The following TSPAN12 variants were observed in gnomAD, a reference collection of about 807,000 sequenced individuals.
TSPAN12 encodes the protein tetraspanin 12.
TSPAN12 carries 19 observed loss-of-function variants against 39.2 expected under a neutral mutation model. The observed-to-expected ratio is 0.49, with a 90% CI of 0.34 to 0.71. The LOEUF (loss-of-function observed/expected upper bound fraction) is 0.71, where lower values mean the gene tolerates loss of function less well. Ranked by LOEUF, TSPAN12 falls within the 30% of genes least tolerant of loss-of-function variation. The probability of loss-of-function intolerance (pLI) is 0.01; values close to 1 mark genes in which losing one functional copy is unlikely to be tolerated. For missense variants in TSPAN12, 314 were observed against 359.9 expected (o/e 0.87, Z 1.03); for synonymous variants, 119 against 124.8 (o/e 0.95, Z 0.31).
intron 7 of TSPAN12, among the ~76,000 whole-genome samples, chr7:120,798,259 A>C (rs916625583): frequency 2.0e-5 from 3 of 152,198 alleles, no homozygotes; most frequent in Admixed American, 1.3e-4. Context: ...CTTCCCCCCT[A>C]CCAAGCCCAA....
chr7:120,816,622 G>C (rs554228598), intron 4 of TSPAN12, among the ~76,000 whole-genome samples: 1 of 152,060 alleles, frequency 6.6e-6, no homozygotes, highest in Non-Finnish European at 1.5e-5. Flanking sequence ...AATGAGAAGA[G>C]ATCAAAGGTG....
intron 2 of TSPAN12, among the ~76,000 whole-genome samples, chr7:120,856,208 A>G (rs1198238067): frequency 6.6e-6 from 1 of 152,086 alleles, no homozygotes; most frequent in Non-Finnish European, 1.5e-5. Context: ...AGACAAATCT[A>G]CTCAGCCTTT....
At chr7:120,842,332 T>C (rs558238041) in intron 2 of TSPAN12, among the ~76,000 whole-genome samples, 1 of 151,990 alleles carries the variant, frequency 6.6e-6, no homozygotes, top group African/African-American at 2.4e-5. Flanking sequence ...CTATGTGCCT[T>C]GGACTGGGCA....
At chr7:120,791,837 A>G (rs1280506401) in intron 7 of TSPAN12, among the ~76,000 whole-genome samples, 2 of 152,190 alleles carry the variant, frequency 1.3e-5, no homozygotes, top group Non-Finnish European at 2.9e-5. Context: ...ACACTCTAGA[A>G]TGGGAGGGGT....
chr7:120,802,382 A>AC (rs932694197), intron 7 of TSPAN12, among the ~76,000 whole-genome samples: 1 of 151,830 alleles, frequency 6.6e-6, no homozygotes, highest in African/African-American at 2.4e-5. Flanking sequence ...TTCACATATC[A>AC]CCTCCTAAGA....
chr7:120,851,550 CAT>C (rs1385397122), intron 2 of TSPAN12, among the ~76,000 whole-genome samples: 2 of 151,966 alleles, frequency 1.3e-5, no homozygotes, highest in African/African-American at 4.8e-5. Flanking sequence ...CAAGGAGAAC[CAT>C]ATTTATCTAT....
chr7:120,788,502 T>A lies in TSPAN12; in HGVS notation c.*90A>T. The stretch of plus-strand genomic sequence containing the variant: ...TGTTATTTTATGGCAACATTTTTAT[T>A]TCTACATATTTCTGAAACACATAGT... On this transcript the variant is annotated 3_prime_UTR_variant, in exon 8 of 8. Transcript: ENST00000222747. 1 of 1,470,232 alleles carries A rather than the reference T, an allele frequency of 6.8e-7. No individual in the cohort carries two copies. The highest frequency in any genetic ancestry group is 9.5e-7 in the Non-Finnish European group (1 of 1,054,544). 91.1% of individuals were successfully genotyped at this position (1,470,232 alleles called of 1,614,324 possible). A position where few individuals can be genotyped will look rare whatever the true frequency, so the allele number is the denominator to read the frequency against.
intron 7 of TSPAN12, among the ~76,000 whole-genome samples, chr7:120,799,355 G>A (rs983257840): frequency 3.4e-5 from 5 of 148,092 alleles, no homozygotes; most frequent in South Asian, 2.1e-4. Context: ...CTCCACTTAC[G>A]GCTCAGGAGT....
chr7:120,848,711 C>A (rs996415667), intron 2 of TSPAN12, among the ~76,000 whole-genome samples: 8 of 152,118 alleles, frequency 5.3e-5, no homozygotes, highest in African/African-American at 1.7e-4. Context: ...TAACACCAAG[C>A]CTTACTCTAT....
Position 120,838,439 on chromosome 7 carries a change from G to A in TSPAN12, c.285+338C>T, listed in dbSNP as rs374919905. Among the ~76,000 whole-genome samples the A allele has an allele frequency of 2.7e-4, 41 of 152,264 alleles. 1 individual carries two copies. In the East Asian group the frequency reaches 4.2e-3, roughly 16 times the overall value. ...AGGGTGGATTTGTTTAAAAATAGAA[G>A]AGAAAGAAACAGTTCCTTTATGGCT... On this transcript the variant is annotated intron_variant, in intron 4 of 7. Transcript: ENST00000222747.
At chr7:120,858,208 CGA>C (rs1259632412), upstream of TSPAN12, 1 of 152,330 alleles carries the variant, frequency 6.6e-6, no homozygotes, top group African/African-American at 2.4e-5. Context: ...TCTCACCCAG[CGA>C]GAGTCCCCAA....
intron 2 of TSPAN12, among the ~76,000 whole-genome samples, chr7:120,850,630 T>C (rs1289783771): frequency 3.3e-5 from 5 of 152,154 alleles, no homozygotes; most frequent in African/African-American, 9.7e-5. Context: ...CTCAAGTCTT[T>C]GCTCAGCTGA....
intron 2 of TSPAN12, among the ~76,000 whole-genome samples, chr7:120,848,255 C>T (rs906860088): frequency 2.6e-5 from 4 of 152,142 alleles, no homozygotes; most frequent in African/African-American, 9.7e-5. Flanking sequence ...TTGCAAATAC[C>T]TCATAAAGCA....
chr7:120,795,608 T>C (rs1793613391), intron 7 of TSPAN12, among the ~76,000 whole-genome samples: 1 of 152,210 alleles, frequency 6.6e-6, no homozygotes, highest in Non-Finnish European at 1.5e-5. Flanking sequence ...AAATAAAATC[T>C]AGGTGCCAAT....
intron 2 of TSPAN12, among the ~76,000 whole-genome samples, chr7:120,854,116 G>T (rs1319568811): frequency 1.3e-5 from 2 of 152,088 alleles, no homozygotes; most frequent in African/African-American, 2.4e-5. Flanking sequence ...GTAACAATGA[G>T]ATAATACTTT....
At chr7:120,802,846 G>A (rs774560303) in intron 7 of TSPAN12, among the ~76,000 whole-genome samples, 1 of 152,100 alleles carries the variant, frequency 6.6e-6, no homozygotes, top group Admixed American at 6.5e-5. Context: ...TGCAATTGTC[G>A]CTATATTTCT....
At chr7:120,800,468 T>C (rs941394581) in intron 7 of TSPAN12, among the ~76,000 whole-genome samples, 1 of 152,184 alleles carries the variant, frequency 6.6e-6, no homozygotes, top group African/African-American at 2.4e-5. Flanking sequence ...GCTTCTTCCT[T>C]ATCCACCCAT....
At position 120,790,180 on chromosome 7, in the gene TSPAN12, T is replaced by A. The variant is rs566970827; in HGVS notation, c.613-1283A>T. On this transcript the variant is annotated intron_variant, in intron 7 of 7. Transcript: ENST00000222747. ...CCTCCACTCTTAACCTCACTCCTTG[T>A]GTGTTCGCATCCTTGATTTCCTTGG... 2.0e-5 allele frequency among the ~76,000 whole-genome samples: 3 copies of A among 152,274 alleles called. No individual in the cohort carries two copies. In the South Asian group the frequency reaches 6.2e-4, roughly 32 times the overall value.
intron 2 of TSPAN12, among the ~76,000 whole-genome samples, chr7:120,854,824 T>C (rs1396219152): frequency 6.6e-6 from 1 of 152,182 alleles, no homozygotes; most frequent in East Asian, 1.9e-4. Context: ...ACCTGGATTA[T>C]TTTGTTGAAG....
Sources: gnomAD v4.1 joint callset for allele counts (sites outside exome capture counted in the v4.1 genomes callset) on GRCh38, gnomAD v4.1.1 for gene constraint, MANE v1.5 for transcripts, NCBI Gene and HGNC (gene_info 2026-07-23, HGNC 2026-07-21) for gene names.